LAMA5: variants seen among roughly 807,000 people sequenced by gnomAD.
LAMA5 encodes laminin subunit alpha-5.
Under a neutral mutation model 433.4 loss-of-function variants are expected in LAMA5, and 260 were observed. The observed-to-expected ratio is 0.60, with a 90% confidence interval of 0.54 to 0.66. The LOEUF is 0.66. Ranked by LOEUF, LAMA5 falls within the 30% of genes least tolerant of loss-of-function variation. The pLI is 0.00. For missense variants in LAMA5, 5,378 were observed against 5,258.5 expected, an observed-to-expected ratio of 1.02 and a Z score of -0.70; for synonymous variants, 2,620 against 2,226.6, an observed-to-expected ratio of 1.18 and a Z score of -4.97.
At position 62,323,660 on chromosome 20, in the gene LAMA5, C is replaced by T. The variant is rs763579131; in HGVS notation, c.5860G>A (p.Gly1954Arg). 5.6e-6 allele frequency: 9 copies of T among 1,607,932 alleles called. No individual in the cohort carries two copies. The highest frequency in any genetic ancestry group is 4.5e-5 in the East Asian group (2 of 44,700). Residue 1954 changes from glycine to arginine, a missense_variant, in exon 45 of 80, where the codon GGA becomes AGA. Coordinates refer to ENST00000252999, the MANE Select transcript of LAMA5 (RefSeq NM_005560.6). ...AGASCERCAPGFFGNPLVLGS... is the reference protein window; with the variant it reads ...AGASCERCAPRFFGNPLVLGS... The stretch of plus-strand genomic sequence containing the variant: ...AGCACCAGTGGGTTCCCAAAGAATC[C>T]GGGCGCACACCTGGGAGCAGGGTGG...
At chr20:62,325,280 G>A (rs1412219889) in intron 41 of LAMA5, 36 bp downstream of exon 41, 2 of 1,413,736 alleles carry the variant, frequency 1.4e-6, no homozygotes, top group Non-Finnish European at 1.9e-6. Flanking sequence ...GTGCACAGGT[G>A]AGCCGCCTCG....
At chr20:62,311,816 T>TTG in intron 70 of LAMA5, 32 bp from the exon 71 acceptor site, 39 of 1,520,858 alleles carry the variant, frequency 2.6e-5, no homozygotes, top group Non-Finnish European at 3.5e-5. Context: ...GCTCGGTTTT[T>TTG]CCCCACCCTG....
At position 62,310,491 on chromosome 20, in the gene LAMA5, C is replaced by A; in HGVS notation, c.10528G>T (p.Val3510Phe). Residue 3510 changes from valine (V) to phenylalanine (F), a missense_variant, in exon 76 of 80, where the codon GTC becomes TTC. By Grantham distance (50) the Val-to-Phe change is conservative. Coordinates refer to ENST00000252999, the MANE Select transcript of LAMA5 (RefSeq NM_005560.6). ...AGGGGGCCCAAGATGCAGGGTGTGA[C>A]CCCTGCCATCCGTGTGGGGGCCCCC... is the stretch of plus-strand genomic sequence containing the variant. Reference protein sequence around the residue: ...PLGAPTRMAGVTPCILGPLEA... With the variant: ...PLGAPTRMAGFTPCILGPLEA... 6.4e-7 allele frequency: 1 copy of A among 1,571,046 alleles called. No homozygotes were observed. The highest frequency in any genetic ancestry group is 8.6e-7 in the Non-Finnish European group (1 of 1,164,700).
At chr20:62,366,006 C>T (rs746694926) in intron 1 of LAMA5, among the ~76,000 whole-genome samples, 13 of 152,228 alleles carry the variant, frequency 8.5e-5, no homozygotes, top group Admixed American at 2.6e-4. Context: ...AGCTACTCGC[C>T]CCTGCCCCAG....
rs779863284 is a variant in LAMA5, at chr20:62,310,564, G to A, written c.10455C>T (p.Val3485=). The A allele has an allele frequency of 1.7e-5, 26 of 1,548,722 alleles. No homozygotes were observed. Among genetic ancestry groups the A allele is most frequent in the South Asian group, 1.6e-4 (13 of 80,552 alleles). The change falls in exon 76 of 80, where the codon GTC becomes GTT. Residue 3485 remains valine (V), a synonymous_variant. Coordinates refer to ENST00000252999, the MANE Select transcript of LAMA5 (RefSeq NM_005560.6). ...GTCTCTTCACACAGCCGCTGAACCC[G>A]ACGGTCACCTATAGGAGCAGACCGG... The part of the protein sequence containing the change: ...SSHSSKLPVT[V]GFSGCVKRLR...
intron 55 of LAMA5, 101 bp downstream of exon 55, chr20:62,317,244 G>A (rs1246292884): frequency 2.2e-5 from 29 of 1,320,572 alleles, no homozygotes; most frequent in Admixed American, 8.8e-5. Flanking sequence ...TGAGGACAAC[G>A]GCCTCAGCCC....
At chr20:62,358,631 G>A (rs982264149) in intron 2 of LAMA5, among the ~76,000 whole-genome samples, 1 of 152,152 alleles carries the variant, frequency 6.6e-6, no homozygotes, top group Non-Finnish European at 1.5e-5. Flanking sequence ...TCCTCCTCCT[G>A]CGGTGCTCCT....
rs751803687 is a variant in LAMA5, at chr20:62,313,196, G to A, written c.8847C>T (p.Thr2949=). 48 of 1,565,788 alleles carry A rather than the reference G, an allele frequency of 3.1e-5. No individual in the cohort carries two copies. Among genetic ancestry groups the A allele is most frequent in the South Asian group, 5.8e-5 (5 of 86,920 alleles). The change falls in exon 65 of 80, where the codon ACC becomes ACT. Residue 2949 remains threonine (T), a synonymous_variant. Transcript: ENST00000252999. ...WLTDGSYLDG[T]GFARISFDSQ... ...TGTCGAAGCTGATGCGGGCGAAGCC[G>A]GTGCCGTCCAGGTAGGAGCCGTCCG...
intron 29 of LAMA5, 40 bp from the exon 30 acceptor site, chr20:62,330,984 C>T (rs774070083): frequency 7.0e-6 from 11 of 1,566,060 alleles, no homozygotes; most frequent in Admixed American, 3.8e-5. Context: ...CCGGCCCTGC[C>T]GCCGGGCCCT....
At position 62,320,583 on chromosome 20, in the gene LAMA5, C is replaced by T; in HGVS notation, c.6735G>A (p.Gln2245=). The T allele has an allele frequency of 6.2e-7, 1 of 1,602,296 alleles. No individual in the cohort carries two copies. The highest frequency in any genetic ancestry group is 8.5e-7 in the Non-Finnish European group (1 of 1,178,300). ...VLEQQSTSLG[Q]DARRLGGQAV... is the part of the protein sequence containing the mutation. ...CCTGGCCGCCTAGCCGCCGTGCGTC[C>T]TGCCCGAGGCTTGTGCTCTGCTGCT... The change falls in exon 50 of 80, where the codon CAG becomes CAA. Residue 2245 remains glutamine (Q), a synonymous_variant. Coordinates refer to ENST00000252999, the MANE Select transcript of LAMA5 (RefSeq NM_005560.6).
rs1979718452 is a variant in LAMA5, at chr20:62,328,453, G to A, written c.4448-8C>T. 6 of 1,485,512 alleles carry A rather than the reference G, an allele frequency of 4.0e-6. No homozygotes were observed. The highest frequency in any genetic ancestry group is 5.4e-6 in the Non-Finnish European group (6 of 1,110,246). The allele number at this position is 1,485,512 out of a possible 1,614,324, so 92.0% of individuals were successfully genotyped here. On this transcript the variant is annotated splice_polypyrimidine_tract_variant and splice_region_variant and intron_variant, in intron 34 of 79. Transcript: ENST00000252999. ...GGGCACCGCAGTCACAGGCTGTGGG[G>A]CGGGTACAGGGTTTACTGACCCCTC...
chr20:62,327,266 G>A lies in LAMA5; in HGVS notation c.5079C>T (p.Tyr1693=), dbSNP rs2146160658. ...EAVPEAFPEL[Y]WQAPPSYLGD... ...CCAGGTAGGAGGGTGGGGCCTGCCA[G>A]TACAGCTCGGGGAAAGCCTCGGGCA... Residue 1693 remains tyrosine (Y), a synonymous_variant, in exon 38 of 80, where the codon TAC becomes TAT. Transcript: ENST00000252999. 2 of 1,554,448 alleles carry A rather than the reference G, an allele frequency of 1.3e-6. No homozygotes were observed. The highest frequency in any genetic ancestry group is 1.7e-6 in the Non-Finnish European group (2 of 1,150,242).
At chr20:62,313,596 C>T (rs867417560) in intron 63 of LAMA5, 53 bp downstream of exon 63, 22 of 1,600,414 alleles carry the variant, frequency 1.4e-5, no homozygotes, top group Middle Eastern at 1.8e-4. Context: ...AGGACACAAG[C>T]GACTCGGGGC....
In LAMA5 at chr20:62,318,970, C is replaced by G; in HGVS notation, c.6915G>C (p.Ser2305=). 6.3e-7 allele frequency: 1 copy of G among 1,594,258 alleles called. No individual in the cohort carries two copies. Among genetic ancestry groups the G allele is most frequent in the Non-Finnish European group, 8.5e-7 (1 of 1,172,716 alleles). Residue 2305 remains serine, a synonymous_variant, in exon 52 of 80, where the codon TCG becomes TCC. Coordinates refer to ENST00000252999, the MANE Select transcript of LAMA5 (RefSeq NM_005560.6). ...QTGHLGLANA[S]APSGEQLLRT... is the part of the protein sequence containing the mutation. Reference sequence around the variant, plus strand: ...GGAGCAGCTGCTCACCTGATGGAGCCGAGGCATTGGCCAGCCCCAGGTGGC... The same window carrying G: ...GGAGCAGCTGCTCACCTGATGGAGCGGAGGCATTGGCCAGCCCCAGGTGGC...
At chr20:62,345,226 C>G (rs912811965) in intron 11 of LAMA5, among the ~76,000 whole-genome samples, 1 of 151,992 alleles carries the variant, frequency 6.6e-6, no homozygotes, top group African/African-American at 2.4e-5. Context: ...TGGCCTTGAA[C>G]TCCTGACCTC....
rs1322540029 is a variant in LAMA5, at chr20:62,337,699, C to A, written c.2055G>T (p.Leu685=). The A allele has an allele frequency of 1.2e-6, 2 of 1,611,228 alleles. No individual in the cohort carries two copies. Among genetic ancestry groups the A allele is most frequent in the African/African-American group, 1.3e-5 (1 of 75,068 alleles). ...VPCHCSAEGS[L]HAACDPRSGQ... ...CACTCCGGGGGTCACAGGCTGCGTG[C>A]AGGGAGCCTTCAGCAGAGCAGTGGC... The change falls in exon 16 of 80, where the codon CTG becomes CTT. Residue 685 remains leucine (L), a synonymous_variant. Transcript: ENST00000252999.
Position 62,330,543 on chromosome 20 carries a change from T to G in LAMA5, c.3924A>C (p.Pro1308=). ...RYAFLLHGYQ[P]AHPTFPVEVL... is the part of the protein sequence containing the mutation. Reference sequence around the variant, plus strand: ...CTTCCACGGGGAAGGTGGGGTGGGCTGGCTGGTAGCCGTGCAGCAGGAAGG... The same window carrying G: ...CTTCCACGGGGAAGGTGGGGTGGGCGGGCTGGTAGCCGTGCAGCAGGAAGG... The change falls in exon 31 of 80, where the codon CCA becomes CCC. Residue 1308 remains proline, a synonymous_variant. Transcript: ENST00000252999. 2 of 1,584,260 alleles carry G rather than the reference T, an allele frequency of 1.3e-6. No individual in the cohort carries two copies. Among genetic ancestry groups the G allele is most frequent in the Non-Finnish European group, 1.7e-6 (2 of 1,166,660 alleles).
Position 62,311,787 on chromosome 20 carries a change from G to A in LAMA5, c.9636-3C>T. On this transcript the variant is annotated splice_region_variant and splice_polypyrimidine_tract_variant and intron_variant, in intron 70 of 79. Transcript: ENST00000252999. Reference sequence around the variant, plus strand: ...GGTCATCGACATACAGCCAGACTCTGGGGGGCGGGAGGCCGGAGGCTCGGT... The same window carrying A: ...GGTCATCGACATACAGCCAGACTCTAGGGGGCGGGAGGCCGGAGGCTCGGT... The A allele has an allele frequency of 6.4e-7, 1 of 1,558,232 alleles. No individual in the cohort carries two copies. The highest frequency in any genetic ancestry group is 8.7e-7 in the Non-Finnish European group (1 of 1,152,248).
Position 62,333,629 on chromosome 20 carries a change from C to T in LAMA5, c.2956G>A (p.Gly986Arg), listed in dbSNP as rs766383141. The part of the protein sequence containing the change: ...AFITVPQRGF[G>R]EPFVLNPGTW... Reference sequence around the variant, plus strand: ...CCAGGGTTCAGCACAAAGGGCTCTCCGAAGCCCCTCTGGGGCACGGTGATG... The same window carrying T: ...CCAGGGTTCAGCACAAAGGGCTCTCTGAAGCCCCTCTGGGGCACGGTGATG... The change falls in exon 24 of 80, where the codon GGA (glycine) becomes AGA (arginine). Residue 986 changes from glycine to arginine, a missense_variant. Transcript: ENST00000252999. 22 of 1,583,372 alleles carry T rather than the reference C, an allele frequency of 1.4e-5. No homozygotes were observed. Among genetic ancestry groups the T allele is most frequent in the Middle Eastern group, 1.7e-4 (1 of 6,038 alleles).
Sources: gnomAD v4.1 joint callset for allele counts (sites outside exome capture counted in the v4.1 genomes callset) on GRCh38, gnomAD v4.1.1 for gene constraint, MANE v1.5 for transcripts, NCBI Gene and HGNC (gene_info 2026-07-23, HGNC 2026-07-21) for gene names.